WDTC1: variants seen among roughly 807,000 people sequenced by gnomAD.
WDTC1 encodes the protein WD and tetratricopeptide repeats 1, also known as WD and tetratricopeptide repeats protein 1.
WDTC1 carries 12 observed loss-of-function variants against 76.0 expected under a neutral mutation model. That is an observed-to-expected ratio of 0.16 (90% CI 0.10 to 0.26). The LOEUF (loss-of-function observed/expected upper bound fraction) is 0.26, where lower values mean the gene tolerates loss of function less well. Ranked by LOEUF, WDTC1 falls within the 10% of genes least tolerant of loss-of-function variation. The pLI is 1.00. For missense variants in WDTC1, 511 were observed against 908.8 expected (o/e 0.56, Z 5.63); for synonymous variants, 326 against 350.8 (o/e 0.93, Z 0.79).
Position 27,296,432 on chromosome 1 carries a change from G to A in WDTC1, c.949+31G>A, listed in dbSNP as rs374217829. ...TTCTCCCTTAGGGTATCTCTACTGC[G>A]GCGGTGTAGGGGAGCTTAAGTGCAT... On this transcript the variant is annotated intron_variant, in intron 10 of 15. Transcript: ENST00000319394. The A allele has an allele frequency of 1.2e-5, 19 of 1,611,390 alleles. No homozygotes were observed. The African/African-American group carries it at 1.6e-4, about 14-fold the overall frequency.
At chr1:27,272,814 C>G (rs1282187434) in intron 3 of WDTC1, among the ~76,000 whole-genome samples, 1 of 152,094 alleles carries the variant, frequency 6.6e-6, no homozygotes, top group Non-Finnish European at 1.5e-5. Flanking sequence ...GAGTTTGAGG[C>G]AGGGGAATCA....
At chr1:27,289,076 G>GT (rs2013439884) in intron 6 of WDTC1, among the ~76,000 whole-genome samples, 1 of 146,208 alleles carries the variant, frequency 6.8e-6, no homozygotes, top group African/African-American at 2.5e-5. Context: ...TGGCCGGGCA[G>GT]GGGGCTGACC....
At chr1:27,278,160 CA>C (rs778970927) in intron 3 of WDTC1, among the ~76,000 whole-genome samples, 2 of 152,084 alleles carry the variant, frequency 1.3e-5, no homozygotes, top group African/African-American at 2.4e-5. Context: ...GCTTTAAATT[CA>C]AATTTATTGC....
In WDTC1 at chr1:27,274,982, G is replaced by T. The variant is rs1187323623; in HGVS notation, c.133-7257G>T. Among the ~76,000 whole-genome samples, 1 of 152,158 alleles carries T rather than the reference G, an allele frequency of 6.6e-6. No individual in the cohort carries two copies. The highest frequency in any genetic ancestry group is 2.4e-5 in the African/African-American group (1 of 41,434). ...TAAGTGGTAGAAATAAGATTTAAAAGATTTATATCAGGCTTATCTGGCTGC... is the reference window on the plus strand; with the variant it reads ...TAAGTGGTAGAAATAAGATTTAAAATATTTATATCAGGCTTATCTGGCTGC... On this transcript the variant is annotated intron_variant, in intron 3 of 15. Transcript: ENST00000319394. This position sits in a 1 kb window ranked among gnomAD's most constrained non-coding sequence, Gnocchi z 4.2.
At chr1:27,240,146 C>T (rs950668773) in intron 1 of WDTC1, among the ~76,000 whole-genome samples, 1 of 152,056 alleles carries the variant, frequency 6.6e-6, no homozygotes, top group African/African-American at 2.4e-5. Context: ...TCACCTTGGC[C>T]CCCCAAAGTG....
chr1:27,271,879 C>T (rs1233468135), intron 3 of WDTC1, among the ~76,000 whole-genome samples: 3 of 149,636 alleles, frequency 2.0e-5, no homozygotes, highest in African/African-American at 2.4e-5. Flanking sequence ...TCAGGTGATC[C>T]GCCCGCCTCA....
intron 1 of WDTC1, among the ~76,000 whole-genome samples, chr1:27,259,066 C>T (rs2012383964): frequency 6.6e-6 from 1 of 152,138 alleles, no homozygotes; most frequent in African/African-American, 2.4e-5. Flanking sequence ...AATTAGTGTG[C>T]TTTTATAGAA....
In WDTC1 at chr1:27,306,598, A is replaced by T; in HGVS notation, c.*215A>T. ...GTCCCCTGACTATCCCCAGCCCTGA[A>T]AAAAAGAGCAGGAGGGGACACCCCT... On this transcript the variant is annotated 3_prime_UTR_variant, in exon 16 of 16. Transcript: ENST00000319394. The surrounding 1 kb of genome is among the most constrained non-coding windows in gnomAD (Gnocchi z 5.0). 1 of 623,152 alleles carries T rather than the reference A, an allele frequency of 1.6e-6. No homozygotes were observed. Among genetic ancestry groups the T allele is most frequent in the Non-Finnish European group, 2.8e-6 (1 of 363,376 alleles). 38.6% of individuals were successfully genotyped at this position (623,152 alleles called of 1,614,324 possible). A position where few individuals can be genotyped will look rare whatever the true frequency, so the allele number is the denominator to read the frequency against.
intron 3 of WDTC1, among the ~76,000 whole-genome samples, chr1:27,264,036 C>T (rs529384941): frequency 2.4e-4 from 36 of 151,606 alleles, no homozygotes; most frequent in Admixed American, 9.9e-4. Context: ...TGCCTGTATT[C>T]GCAGCACTTT....
At chr1:27,271,966 C>T (rs1248277916) in intron 3 of WDTC1, among the ~76,000 whole-genome samples, 2 of 149,298 alleles carry the variant, frequency 1.3e-5, no homozygotes, top group Non-Finnish European at 3.0e-5. Flanking sequence ...AAAAAATAGG[C>T]TAGGCACGGT....
intron 3 of WDTC1, among the ~76,000 whole-genome samples, chr1:27,272,467 C>T (rs1233307659): frequency 6.6e-6 from 1 of 152,154 alleles, no homozygotes. Context: ...ATCTTGAGCT[C>T]TACTTAGTAG....
chr1:27,238,854 C>T (rs1197593054), intron 1 of WDTC1, among the ~76,000 whole-genome samples: 4 of 151,822 alleles, frequency 2.6e-5, no homozygotes, highest in Non-Finnish European at 4.4e-5. Flanking sequence ...TGTGAGACAC[C>T]GCGCCCAGCC....
At chr1:27,264,458 A>G (rs2012591613) in intron 3 of WDTC1, among the ~76,000 whole-genome samples, 1 of 152,018 alleles carries the variant, frequency 6.6e-6, no homozygotes, top group South Asian at 2.1e-4. Flanking sequence ...TGTTTAAAAA[A>G]AAAAACCAAA....
chr1:27,253,257 T>G (rs1167709803), intron 1 of WDTC1, among the ~76,000 whole-genome samples: 2 of 152,024 alleles, frequency 1.3e-5, no homozygotes, highest in African/African-American at 4.8e-5. Flanking sequence ...CTCCTTGATC[T>G]GCCCACCTTG....
chr1:27,262,249 A>G (rs2012504143), intron 2 of WDTC1, among the ~76,000 whole-genome samples: 1 of 151,856 alleles, frequency 6.6e-6, no homozygotes, highest in Admixed American at 6.6e-5. Context: ...TTAACTAAAA[A>G]TTTTTAAAAA....
rs572074882 is a variant in WDTC1, at chr1:27,305,424, G to A, written c.1836+231G>A. On this transcript the variant is annotated intron_variant, in intron 15 of 15. Transcript: ENST00000319394. The surrounding 1 kb of genome is among the most constrained non-coding windows in gnomAD (Gnocchi z 4.6). ...TCACAAGGGAACTATGCAGGCTTTGGCATCTGGTAGGCCTAAGTTTGAATC... is the reference window on the plus strand; with the variant it reads ...TCACAAGGGAACTATGCAGGCTTTGACATCTGGTAGGCCTAAGTTTGAATC... 1.2e-3 allele frequency among the ~76,000 whole-genome samples: 190 copies of A among 152,344 alleles called. 2 individuals are homozygous for A. The highest frequency in any genetic ancestry group is 4.5e-3 in the African/African-American group (188 of 41,572).
intron 5 of WDTC1, 44 bp downstream of exon 5, chr1:27,283,493 G>A: frequency 6.3e-7 from 1 of 1,585,588 alleles, no homozygotes; most frequent in Non-Finnish European, 8.6e-7. Flanking sequence ...CACAGATCAA[G>A]CACAAGAGTG....
At chr1:27,238,866 C>T (rs541384227) in intron 1 of WDTC1, among the ~76,000 whole-genome samples, 5 of 151,368 alleles carry the variant, frequency 3.3e-5, no homozygotes, top group South Asian at 4.2e-4. Flanking sequence ...CGCCCAGCCC[C>T]GGCTAATTTT....
intron 1 of WDTC1, among the ~76,000 whole-genome samples, chr1:27,253,941 T>C (rs1317569677): frequency 3.3e-5 from 5 of 152,194 alleles, no homozygotes; most frequent in African/African-American, 9.6e-5. Flanking sequence ...TTAAATCTTC[T>C]CATCCTCGAA....
Sources: allele counts gnomAD v4.1 joint callset (sites outside exome capture counted in the v4.1 genomes callset), GRCh38; gene constraint gnomAD v4.1.1; non-coding constraint Gnocchi (gnomAD v3.1); transcripts MANE v1.5; gene names NCBI Gene and HGNC (gene_info 2026-07-23, HGNC 2026-07-21).